RCAN2: variants seen among roughly 807,000 people sequenced by gnomAD.
The protein encoded by RCAN2 is calcipressin-2.
In RCAN2, 9 loss-of-function variants were observed where a neutral mutation model predicts 23.6. The ratio of observed to expected loss-of-function variants is 0.38; its 90% confidence interval spans 0.23 to 0.67. The LOEUF (loss-of-function observed/expected upper bound fraction) is 0.67. Among genes scored for constraint, RCAN2 ranks in the 30% least tolerant of loss-of-function variants. The probability of loss-of-function intolerance (pLI) is 0.51; values close to 1 mark genes in which losing one functional copy is unlikely to be tolerated. For synonymous variants in RCAN2, 109 were observed against 115.7 expected, an observed-to-expected ratio of 0.94 and a Z score of 0.37; for missense variants, 273 against 302.3, an observed-to-expected ratio of 0.90 and a Z score of 0.72.
intron 2 of RCAN2, among the ~76,000 whole-genome samples, chr6:46,317,686 C>A (rs562070951): frequency 6.6e-6 from 1 of 152,054 alleles, no homozygotes; most frequent in African/African-American, 2.4e-5. Flanking sequence ...AGGATGGTCT[C>A]GATCTCCTGA....
chr6:46,365,521 A>G (rs2054098177), intron 2 of RCAN2, among the ~76,000 whole-genome samples: 1 of 149,540 alleles, frequency 6.7e-6, no homozygotes, highest in African/African-American at 2.4e-5. Context: ...AAAAGAAAAA[A>G]AGAAAAAAAA....
chr6:46,276,905 A>G (rs1160871022), intron 2 of RCAN2, among the ~76,000 whole-genome samples: 1 of 152,242 alleles, frequency 6.6e-6, no homozygotes, highest in Non-Finnish European at 1.5e-5. Flanking sequence ...GGTGAGTGGC[A>G]GCCTCCAAAC....
At chr6:46,263,529 GTGTGTGTGTA>G (rs1284119936) in intron 2 of RCAN2, among the ~76,000 whole-genome samples, 1 of 62,306 alleles carries the variant, frequency 1.6e-5, no homozygotes, top group African/African-American at 5.9e-5. Context: ...GTATGTGTGT[GTGTGTGTGTA>G]TGTGTGTGTG....
intron 2 of RCAN2, among the ~76,000 whole-genome samples, chr6:46,448,140 G>T (rs181681407): frequency 6.6e-6 from 1 of 151,798 alleles, no homozygotes; most frequent in Admixed American, 6.6e-5. Flanking sequence ...AATCAGAAAT[G>T]AAAGAGGAGA....
chr6:46,297,671 C>T (rs1194789345), intron 2 of RCAN2, among the ~76,000 whole-genome samples: 1 of 152,104 alleles, frequency 6.6e-6, no homozygotes, highest in Non-Finnish European at 1.5e-5. Flanking sequence ...TACTACAGGT[C>T]TAAACATTCT....
chr6:46,329,394 T>TTATG (rs895922927), intron 2 of RCAN2, among the ~76,000 whole-genome samples: 2 of 152,200 alleles, frequency 1.3e-5, no homozygotes, highest in Non-Finnish European at 2.9e-5. Flanking sequence ...ATTTATTTCT[T>TTATG]TATGTGTCCA....
At chr6:46,300,436 G>A (rs1031270270) in intron 2 of RCAN2, among the ~76,000 whole-genome samples, 2 of 151,648 alleles carry the variant, frequency 1.3e-5, no homozygotes, top group African/African-American at 4.8e-5. Context: ...TGATAGAAAT[G>A]GTATATAAAA....
chr6:46,455,830 C>T (rs1768005397), intron 2 of RCAN2, among the ~76,000 whole-genome samples: 1 of 147,454 alleles, frequency 6.8e-6, no homozygotes, highest in African/African-American at 2.5e-5. Context: ...GCACTCCAGC[C>T]TGGGCAACAG....
intron 2 of RCAN2, among the ~76,000 whole-genome samples, chr6:46,386,543 G>A (rs1175446176): frequency 6.7e-6 from 1 of 150,108 alleles, no homozygotes; most frequent in African/African-American, 2.4e-5. Context: ...GGGAGGTGGA[G>A]GTTGCAGTGA....
At chr6:46,429,649 G>A (rs958910775) in intron 2 of RCAN2, among the ~76,000 whole-genome samples, 1 of 152,122 alleles carries the variant, frequency 6.6e-6, no homozygotes, top group Admixed American at 6.5e-5. Flanking sequence ...TATATGCCAG[G>A]CACTGTGCCA....
chr6:46,362,413 T>C (rs114782865), intron 2 of RCAN2, among the ~76,000 whole-genome samples: 5 of 152,134 alleles, frequency 3.3e-5, no homozygotes, highest in Non-Finnish European at 7.4e-5. Flanking sequence ...TATATATTGG[T>C]ATATATAATA....
At chr6:46,421,938 TAAATATAATTTCCAAGGA>T (rs1766899499) in intron 2 of RCAN2, among the ~76,000 whole-genome samples, 3 of 152,234 alleles carry the variant, frequency 2.0e-5, no homozygotes, top group Admixed American at 2.0e-4. Context: ...AAACTGTTAG[TAAATATAATTTCCAAGGA>T]AAATAATTAT....
intron 2 of RCAN2, among the ~76,000 whole-genome samples, chr6:46,313,306 TCAC>T (rs1392060988): frequency 6.6e-6 from 1 of 152,180 alleles, no homozygotes; most frequent in Admixed American, 6.5e-5. Flanking sequence ...CTGTACTCCT[TCAC>T]CAGCCTAGAG....
intron 4 of RCAN2, among the ~76,000 whole-genome samples, chr6:46,245,561 A>G (rs1049259671): frequency 1.3e-5 from 2 of 152,180 alleles, no homozygotes; most frequent in Admixed American, 6.5e-5. Flanking sequence ...GTGATTATCA[A>G]AACTGCAGAT....
intron 2 of RCAN2, among the ~76,000 whole-genome samples, chr6:46,455,876 G>A (rs1387090863): frequency 3.7e-5 from 5 of 136,574 alleles, no homozygotes; most frequent in African/African-American, 8.3e-5. Context: ...AAGAAAGAAA[G>A]AAAGAAAGAA....
chr6:46,371,072 A>AT (rs1441664455), intron 2 of RCAN2, among the ~76,000 whole-genome samples: 1 of 152,176 alleles, frequency 6.6e-6, no homozygotes, highest in Non-Finnish European at 1.5e-5. Context: ...ATGTATGTAC[A>AT]TTTTTCGAGG....
At chr6:46,292,423 G>GTTTT (rs869232910) in intron 2 of RCAN2, among the ~76,000 whole-genome samples, 117 of 107,480 alleles carry the variant, frequency 1.1e-3, no homozygotes, top group African/African-American at 3.8e-3. Flanking sequence ...GAGTTGATTT[G>GTTTT]TTGTTTTTTT....
intron 2 of RCAN2, among the ~76,000 whole-genome samples, chr6:46,385,327 C>T (rs1000132740): frequency 4.6e-5 from 7 of 152,194 alleles, no homozygotes; most frequent in African/African-American, 1.7e-4. Context: ...GTAGACAAGG[C>T]ACCACTGCCC....
In RCAN2 at chr6:46,281,673, T is replaced by A. The variant is rs114497323; in HGVS notation, c.226-32777A>T. Among the ~76,000 whole-genome samples, 963 of 152,302 alleles carry A rather than the reference T, an allele frequency of 6.3e-3. 13 individuals carry two copies. Among genetic ancestry groups the A allele is most frequent in the African/African-American group, 0.023 (937 of 41,568 alleles). On this transcript the variant is annotated intron_variant, in intron 2 of 4. Transcript: ENST00000371374. The stretch of plus-strand genomic sequence containing the variant: ...AGAACTGAGCTAAACATTTTTCTCT[T>A]ATTTTGTTATTTTTCTTTTTATTAG...
Sources: allele counts gnomAD v4.1 joint callset (sites outside exome capture counted in the v4.1 genomes callset), GRCh38; gene constraint gnomAD v4.1.1; transcripts MANE v1.5; gene names NCBI Gene and HGNC (gene_info 2026-07-23, HGNC 2026-07-21).